RNF182: variants seen among roughly 807,000 people sequenced by gnomAD.
RNF182 encodes ring finger protein 182.
Under a neutral mutation model 14.4 loss-of-function variants are expected in RNF182, and 15 were observed. The ratio of observed to expected loss-of-function variants is 1.04; its 90% CI spans 0.70 to 1.60. The LOEUF (loss-of-function observed/expected upper bound fraction) is 1.60. RNF182 is among the 40% of genes most tolerant of loss of function. The pLI is 0.00. For synonymous variants in RNF182, 128 were observed against 122.9 expected, an observed-to-expected ratio of 1.04 and a Z score of -0.27; for missense variants, 268 against 294.8, an observed-to-expected ratio of 0.91 and a Z score of 0.67.
intron 1 of RNF182, among the ~76,000 whole-genome samples, chr6:13,954,883 G>T (rs1000371833): frequency 1.7e-4 from 26 of 152,146 alleles, no homozygotes; most frequent in African/African-American, 5.8e-4. Flanking sequence ...TGGCAAGAAG[G>T]CCTGTGAAGG....
At chr6:13,958,167 C>A (rs1325494799) in intron 1 of RNF182, among the ~76,000 whole-genome samples, 2 of 151,946 alleles carry the variant, frequency 1.3e-5, no homozygotes, top group Admixed American at 6.6e-5. Context: ...GCAGGCAGAT[C>A]ACGAGGTCAA....
intron 1 of RNF182, among the ~76,000 whole-genome samples, chr6:13,960,973 A>G (rs534930853): frequency 2.6e-5 from 4 of 152,270 alleles, no homozygotes; most frequent in Admixed American, 2.6e-4. Context: ...ATTAATCATG[A>G]TCTTAAATTA....
At chr6:13,953,388 T>G (rs1250273376) in intron 1 of RNF182, among the ~76,000 whole-genome samples, 1 of 151,834 alleles carries the variant, frequency 6.6e-6, no homozygotes, top group Non-Finnish European at 1.5e-5. Flanking sequence ...GTGTGTATGG[T>G]GGGGGGCAGA....
At chr6:13,971,407 T>A (rs1429993580) in intron 1 of RNF182, among the ~76,000 whole-genome samples, 1 of 152,140 alleles carries the variant, frequency 6.6e-6, no homozygotes, top group Non-Finnish European at 1.5e-5. Context: ...AAATTGTGAG[T>A]CCATTAACCC....
At chr6:13,948,786 G>A (rs1331555265) in intron 1 of RNF182, among the ~76,000 whole-genome samples, 1 of 152,004 alleles carries the variant, frequency 6.6e-6, no homozygotes, top group Non-Finnish European at 1.5e-5. Flanking sequence ...TTTTAAAAAG[G>A]CAAAAACCTT....
rs568672585 is a variant in RNF182 at position 13,955,124 on chromosome 6, T to C, written c.-366-19086T>C. Among the ~76,000 whole-genome samples the C allele has an allele frequency of 2.0e-5, 3 of 152,352 alleles. No individual in the cohort carries two copies. In the South Asian group the frequency reaches 6.2e-4, roughly 32 times the overall value. ...GTAAAGAGCCAGATAGTAAATAGTT[T>C]TGGCTTTGAGGGCCAATATGGTCTC... On this transcript the variant is annotated intron_variant, in intron 1 of 2. Transcript: ENST00000488300.
intron 1 of RNF182, among the ~76,000 whole-genome samples, chr6:13,927,510 G>A (rs914880615): frequency 6.6e-6 from 1 of 152,088 alleles, no homozygotes; most frequent in Non-Finnish European, 1.5e-5. Context: ...TGTAAAATAT[G>A]GCCTGATAAT....
At chr6:13,963,919 G>T (rs539634889) in intron 1 of RNF182, among the ~76,000 whole-genome samples, 17 of 152,144 alleles carry the variant, frequency 1.1e-4, no homozygotes, top group African/African-American at 4.1e-4. Flanking sequence ...TAGGGGCTAG[G>T]GCAAAGAGTA....
chr6:13,932,214 T>A (rs1429126288), intron 1 of RNF182, among the ~76,000 whole-genome samples: 2 of 152,240 alleles, frequency 1.3e-5, no homozygotes, highest in Admixed American at 6.5e-5. Flanking sequence ...GAATTAACAT[T>A]TCTAATGTAC....
intron 1 of RNF182, among the ~76,000 whole-genome samples, chr6:13,946,046 G>C (rs1561779388): frequency 6.6e-6 from 1 of 151,880 alleles, no homozygotes; most frequent in Non-Finnish European, 1.5e-5. Context: ...AAAAGTCATG[G>C]GGAGATGTGC....
chr6:13,964,863 A>G (rs1027700849), intron 1 of RNF182, among the ~76,000 whole-genome samples: 1 of 152,228 alleles, frequency 6.6e-6, no homozygotes, highest in African/African-American at 2.4e-5. Flanking sequence ...CCTTTGGAGC[A>G]GGAGACCTTG....
chr6:13,949,276 TACC>T lies in RNF182; in HGVS notation c.-367+24256_-367+24258del, dbSNP rs980287314. Reference sequence around the variant, plus strand: ...CAGTTGTTTCCTCTGCTCCCAGACTTACCACATCTGTCAGAAACCTGACATGTG... The same window carrying T: ...CAGTTGTTTCCTCTGCTCCCAGACTTACATCTGTCAGAAACCTGACATGTG... On this transcript the variant is annotated intron_variant, in intron 1 of 2. Coordinates refer to ENST00000488300, the MANE Select transcript of RNF182 (RefSeq NM_152737.4). 3.8e-6 allele frequency: 3 copies of T among 780,362 alleles called. No homozygotes were observed. In the African/African-American group the frequency reaches 5.1e-5, roughly 13 times the overall value. 48.3% of individuals were successfully genotyped at this position (780,362 alleles called of 1,614,324 possible). A position where few individuals can be genotyped will look rare whatever the true frequency, so the allele number is the denominator to read the frequency against.
chr6:13,927,278 T>C (rs575676575), intron 1 of RNF182, among the ~76,000 whole-genome samples: 15 of 152,346 alleles, frequency 9.8e-5, no homozygotes, highest in African/African-American at 3.6e-4. Flanking sequence ...GAAAAAATAC[T>C]ATGATATCTG....
chr6:13,956,620 C>T (rs533318771), intron 1 of RNF182, among the ~76,000 whole-genome samples: 12 of 152,180 alleles, frequency 7.9e-5, no homozygotes, highest in South Asian at 2.1e-4. Context: ...CCAATGCTCC[C>T]GGCCTGTCCT....
intron 1 of RNF182, among the ~76,000 whole-genome samples, chr6:13,926,973 A>G (rs1319521822): frequency 6.6e-6 from 1 of 152,184 alleles, no homozygotes; most frequent in Non-Finnish European, 1.5e-5. Flanking sequence ...GGAGATATCC[A>G]TGGTGAATTT....
At chr6:13,933,603 A>G (rs1373328839) in intron 1 of RNF182, among the ~76,000 whole-genome samples, 2 of 152,210 alleles carry the variant, frequency 1.3e-5, no homozygotes, top group Non-Finnish European at 2.9e-5. Context: ...TAATTTCAAC[A>G]TGTAATCAAT....
intron 1 of RNF182, among the ~76,000 whole-genome samples, chr6:13,952,494 C>G (rs1253771174): frequency 1.3e-5 from 2 of 152,056 alleles, no homozygotes; most frequent in African/African-American, 2.4e-5. Flanking sequence ...GGATGCTAAC[C>G]CTTCTGAGTT....
chr6:13,952,333 A>G (rs1759616424), intron 1 of RNF182, among the ~76,000 whole-genome samples: 1 of 152,118 alleles, frequency 6.6e-6, no homozygotes, highest in African/African-American at 2.4e-5. Context: ...TATCCTGTAC[A>G]TGCCTAATCC....
chr6:13,926,019 A>C (rs972943163), intron 1 of RNF182, among the ~76,000 whole-genome samples: 1 of 152,204 alleles, frequency 6.6e-6, no homozygotes, highest in Non-Finnish European at 1.5e-5. Context: ...TATGAAAGAA[A>C]ACAGATACAT....
Sources: allele counts gnomAD v4.1 joint callset (sites outside exome capture counted in the v4.1 genomes callset), GRCh38; gene constraint gnomAD v4.1.1; transcripts MANE v1.5; gene names NCBI Gene and HGNC (gene_info 2026-07-23, HGNC 2026-07-21).